CCNY: variants seen among roughly 807,000 people sequenced by gnomAD.
CCNY encodes the protein cyclin-Y.
Under a neutral mutation model 42.8 loss-of-function variants are expected in CCNY, and 19 were observed. The ratio of observed to expected loss-of-function variants is 0.44; its 90% confidence interval spans 0.31 to 0.65. The LOEUF (loss-of-function observed/expected upper bound fraction) is 0.65, where lower values mean the gene tolerates loss of function less well. Ranked by LOEUF, CCNY falls within the 30% of genes least tolerant of loss-of-function variation. CCNY has a pLI of 0.07. For synonymous variants in CCNY, 165 were observed against 162.7 expected (o/e 1.01, Z -0.11); for missense variants, 370 against 437.3 (o/e 0.85, Z 1.37).
rs537358000 is a variant in CCNY, at chr10:35,294,400, A to C, written c.-9+43774A>C. Among the ~76,000 whole-genome samples the C allele has an allele frequency of 1.4e-3, 207 of 152,350 alleles. 1 individual carries two copies. The highest frequency in any genetic ancestry group is 4.8e-3 in the African/African-American group (200 of 41,594). ...GTAATGTTAACTGTAGGTTTTTCAT[A>C]AATGTCATTTATCAGGTTGAGAAAG... On this transcript the variant is annotated intron_variant, in intron 3 of 11. Coordinates refer to the CCNY transcript ENST00000374706.
At chr10:35,360,320 T>C (rs1294747477) in intron 1 of CCNY, among the ~76,000 whole-genome samples, 1 of 144,306 alleles carries the variant, frequency 6.9e-6, no homozygotes, top group African/African-American at 2.6e-5. Context: ...AGAGTCTCAC[T>C]CTGTCACCCA....
chr10:35,559,909 A>G lies in CCNY; in HGVS notation c.747-6114A>G, dbSNP rs145475586. ...GGTGGGTGATGGCGCATCAGCAGAG[A>G]GGACTTAAGTCTTCAATCCCTGGAG... On this transcript the variant is annotated intron_variant, in intron 8 of 9. Transcript: ENST00000374704. Among the ~76,000 whole-genome samples the G allele has an allele frequency of 5.6e-4, 86 of 152,332 alleles. 1 individual carries two copies. The highest frequency in any genetic ancestry group is 3.4e-3 in the Middle Eastern group (1 of 294).
chr10:35,498,087 T>G (rs1840038330), intron 2 of CCNY, among the ~76,000 whole-genome samples: 1 of 152,088 alleles, frequency 6.6e-6, no homozygotes, highest in African/African-American at 2.4e-5. Context: ...GCGAGTCCTC[T>G]CCCATGGAGC....
At chr10:35,496,455 A>G (rs999574036) in intron 2 of CCNY, among the ~76,000 whole-genome samples, 1 of 152,162 alleles carries the variant, frequency 6.6e-6, no homozygotes, top group Non-Finnish European at 1.5e-5. Flanking sequence ...TATCTTAGGT[A>G]TCTTAGGACC....
At chr10:35,438,649 G>A (rs1239311475) in intron 1 of CCNY, among the ~76,000 whole-genome samples, 1 of 152,118 alleles carries the variant, frequency 6.6e-6, no homozygotes, top group African/African-American at 2.4e-5. Context: ...TATACATTTA[G>A]AACCACAGTA....
At chr10:35,555,539 C>A (rs1022242719) in intron 8 of CCNY, among the ~76,000 whole-genome samples, 5 of 152,264 alleles carry the variant, frequency 3.3e-5, no homozygotes, top group African/African-American at 9.6e-5. Context: ...GATTTTTCTG[C>A]GTTAATTCAC....
At chr10:35,248,805 C>T (rs1450967903) in intron 2 of CCNY, among the ~76,000 whole-genome samples, 1 of 152,238 alleles carries the variant, frequency 6.6e-6, no homozygotes, top group Non-Finnish European at 1.5e-5. Context: ...TGCCACCACA[C>T]TCCAGCCTGA....
intron 3 of CCNY, among the ~76,000 whole-genome samples, chr10:35,289,161 T>A (rs906787689): frequency 6.6e-6 from 1 of 152,110 alleles, no homozygotes; most frequent in African/African-American, 2.4e-5. Context: ...TTTTGTATAT[T>A]ATTATAAATG....
chr10:35,423,806 T>A (rs1423738650), intron 1 of CCNY, among the ~76,000 whole-genome samples: 1 of 152,174 alleles, frequency 6.6e-6, no homozygotes, highest in Non-Finnish European at 1.5e-5. Flanking sequence ...AATTCTCAAA[T>A]TTGCTTATTC....
At chr10:35,407,047 G>T (rs908006789) in intron 1 of CCNY, among the ~76,000 whole-genome samples, 1 of 152,208 alleles carries the variant, frequency 6.6e-6, no homozygotes, top group Admixed American at 6.5e-5. Flanking sequence ...CTTGAATTGG[G>T]TTGAGTTTTT....
At position 35,566,070 on chromosome 10, in the gene CCNY, A is replaced by G. The variant is rs201763356; in HGVS notation, c.794A>G (p.Asn265Ser). ...QFLELLQFNI[N>S]VPSSVYAKYY... ...CTTGAATTGCTGCAGTTCAACATCA[A>G]TGTTCCTTCCAGTGTCTATGCCAAG... Residue 265 changes from asparagine to serine, a missense_variant, in exon 9 of 10, where the codon AAT (asparagine) becomes AGT (serine). This residue lies in a region of CCNY where 234 missense variants were observed against 313.1 expected (regional missense o/e 0.75). Coordinates refer to ENST00000374704, the MANE Select transcript of CCNY (RefSeq NM_145012.6). 36 of 1,614,004 alleles carry G rather than the reference A, an allele frequency of 2.2e-5. No individual in the cohort carries two copies. The highest frequency in any genetic ancestry group is 2.7e-5 in the Non-Finnish European group (32 of 1,180,008).
intron 1 of CCNY, among the ~76,000 whole-genome samples, chr10:35,337,729 A>G (rs911981075): frequency 7.7e-6 from 1 of 129,876 alleles, no homozygotes; most frequent in Admixed American, 8.0e-5. Flanking sequence ...TTCCCATTCT[A>G]CCGTTTTTTT....
chr10:35,346,757 G>A (rs2135129942), intron 1 of CCNY, among the ~76,000 whole-genome samples: 1 of 152,298 alleles, frequency 6.6e-6, no homozygotes. Context: ...CTCCTGAGTA[G>A]CTGGGACTAT....
chr10:35,361,324 A>G (rs1836681866), intron 1 of CCNY, among the ~76,000 whole-genome samples: 1 of 152,236 alleles, frequency 6.6e-6, no homozygotes, highest in African/African-American at 2.4e-5. Context: ...TGTTGCCTCT[A>G]AACAATCTTC....
At position 35,493,812 on chromosome 10, in the gene CCNY, T is replaced by A. The variant is rs183991077; in HGVS notation, c.230-7689T>A. Among the ~76,000 whole-genome samples the A allele has an allele frequency of 2.2e-3, 339 of 152,370 alleles. 3 individuals are homozygous for A. Among genetic ancestry groups the A allele is most frequent in the South Asian group, 0.013 (63 of 4,828 alleles). The stretch of plus-strand genomic sequence containing the variant: ...CATAATCCATCAAAGCACCGAGCCC[T>A]GTACGTAAGACAACACAAGTTCTCA... On this transcript the variant is annotated intron_variant, in intron 2 of 9. Coordinates refer to ENST00000374704, the MANE Select transcript of CCNY (RefSeq NM_145012.6).
chr10:35,433,161 A>G (rs967542750), intron 1 of CCNY, among the ~76,000 whole-genome samples: 3 of 152,206 alleles, frequency 2.0e-5, no homozygotes, highest in Admixed American at 6.5e-5. Context: ...CCTGGGCAAC[A>G]TAGTGAGATC....
In CCNY at chr10:35,511,855, G is replaced by C. The variant is rs1044248575; in HGVS notation, c.265-4668G>C. ...AGGAAGTGAACCGTGAACCTGGAGA[G>C]ATGGAGAGTTGACTCGTGTGTCTCT... On this transcript the variant is annotated intron_variant, in intron 3 of 9. Coordinates refer to ENST00000374704, the MANE Select transcript of CCNY (RefSeq NM_145012.6). 8.5e-5 allele frequency among the ~76,000 whole-genome samples: 13 copies of C among 152,374 alleles called. No homozygotes were observed. The South Asian group carries it at 2.1e-3, about 24-fold the overall frequency.
At chr10:35,271,841 C>T (rs1416962610) in intron 3 of CCNY, among the ~76,000 whole-genome samples, 1 of 152,194 alleles carries the variant, frequency 6.6e-6, no homozygotes, top group East Asian at 1.9e-4. Context: ...TCACATGCTC[C>T]TTTCTTTCTG....
intron 1 of CCNY, among the ~76,000 whole-genome samples, chr10:35,341,583 T>C (rs990308811): frequency 7.2e-5 from 11 of 152,212 alleles, no homozygotes. Context: ...ACTATAAATA[T>C]TTGTTGAATG....
Sources: gnomAD v4.1 joint callset for allele counts (sites outside exome capture counted in the v4.1 genomes callset) on GRCh38, gnomAD v4.1.1 for gene constraint, gnomAD v4.1.1 regional missense constraint, MANE v1.5 for transcripts, NCBI Gene and HGNC (gene_info 2026-07-23, HGNC 2026-07-21) for gene names.